The following ZBTB6 variants were observed in gnomAD, a reference collection of about 807,000 sequenced individuals.
ZBTB6 encodes zinc finger and BTB domain containing 6, also known as zinc finger and BTB domain-containing protein 6.
Under a neutral mutation model 30.6 loss-of-function variants are expected in ZBTB6, and 11 were observed. That is an observed-to-expected ratio of 0.36 (90% CI 0.23 to 0.60). The LOEUF (loss-of-function observed/expected upper bound fraction) is 0.60, where lower values mean the gene tolerates loss of function less well. Ranked by LOEUF, ZBTB6 falls within the 20% of genes least tolerant of loss-of-function variation. ZBTB6 has a pLI of 0.75. For synonymous variants in ZBTB6, 174 were observed against 172.0 expected, an observed-to-expected ratio of 1.01 and a Z score of -0.09; for missense variants, 380 against 489.4, an observed-to-expected ratio of 0.78 and a Z score of 2.11.
Position 122,911,790 on chromosome 9 carries a change from C to A in ZBTB6, c.283G>T (p.Val95Phe). 6.2e-7 allele frequency: 1 copy of A among 1,614,196 alleles called. No homozygotes were observed. The highest frequency in any genetic ancestry group is 8.5e-7 in the Non-Finnish European group (1 of 1,180,034). The part of the protein sequence containing the change: ...LLSCYTGALE[V>F]KRKELLKYLT... ...TATTTCAAAAGCTCTTTCCTTTTAA[C>A]TTCAAGTGCTCCAGTATAGCAAGAC... The change falls in exon 2 of 2, where the codon GTT becomes TTT. Residue 95 changes from valine to phenylalanine, a missense_variant. Coordinates refer to ENST00000373659, the MANE Select transcript of ZBTB6 (RefSeq NM_006626.6). This position sits in a 1 kb window ranked among gnomAD's most constrained non-coding sequence, Gnocchi z 4.5.
chr9:122,913,103 G>A, intron 1 of ZBTB6, 148 bp downstream of exon 1: 1 of 244,410 alleles, frequency 4.1e-6, no homozygotes, highest in Non-Finnish European at 6.6e-6. Flanking sequence ...GTATTCTGGA[G>A]GCAACCCTGC....
Position 122,908,308 on chromosome 9 carries a change from A to T in ZBTB6, c.*2490T>A, listed in dbSNP as rs1243231630. 6.6e-6 allele frequency: 1 copy of T among 152,390 alleles called. No individual in the cohort carries two copies. The highest frequency in any genetic ancestry group is 1.5e-5 in the Non-Finnish European group (1 of 68,042). 9.4% of individuals were successfully genotyped at this position (152,390 alleles called of 1,614,324 possible). On this transcript the variant is annotated 3_prime_UTR_variant, in exon 2 of 2. Transcript: ENST00000373659. The stretch of plus-strand genomic sequence containing the variant: ...CTTTGTCATACCTGAACTTTAAAAA[A>T]AGATTCCATTTTCCTGAAAATTTTT...
At chr9:122,912,127 T>C (rs1047520457) in intron 1 of ZBTB6, 46 bp from the exon 2 acceptor site, 3 of 1,527,360 alleles carry the variant, frequency 2.0e-6, no homozygotes, top group Non-Finnish European at 2.6e-6. Context: ...GGATAGGGAA[T>C]GCTTTCCCAT....
chr9:122,910,691 T>C lies in ZBTB6; in HGVS notation c.*107A>G, dbSNP rs940776659. On this transcript the variant is annotated 3_prime_UTR_variant, in exon 2 of 2. Coordinates refer to ENST00000373659, the MANE Select transcript of ZBTB6 (RefSeq NM_006626.6). Reference sequence around the variant, plus strand: ...TGATTATGTGTAAGCCGACAAAATATAAGAAACAAAGATTGGGGGGATGAA... The same window carrying C: ...TGATTATGTGTAAGCCGACAAAATACAAGAAACAAAGATTGGGGGGATGAA... 4 of 1,167,950 alleles carry C rather than the reference T, an allele frequency of 3.4e-6. No homozygotes were observed. In the African/African-American group the frequency reaches 6.2e-5, roughly 18 times the overall value. The allele number at this position is 1,167,950 out of a possible 1,614,324, so 72.3% of individuals were successfully genotyped here.
rs369781178 is a variant in ZBTB6 at position 122,911,303 on chromosome 9, T to A, written c.770A>T (p.Asn257Ile). ...AGCCACTCTGCTCTCAACTGTAGAA[T>A]TGATCAATGAATGCTGTGTTTCAGA... The part of the protein sequence containing the change: ...YFSETQHSLI[N>I]STVESRVAEV... Residue 257 changes from asparagine (N) to isoleucine (I), a missense_variant, in exon 2 of 2, where the codon AAT becomes ATT. By Grantham distance (149) the Asn-to-Ile change is moderately radical. Coordinates refer to ENST00000373659, the MANE Select transcript of ZBTB6 (RefSeq NM_006626.6). The surrounding 1 kb of genome is among the most constrained non-coding windows in gnomAD (Gnocchi z 4.5). The A allele has an allele frequency of 2.5e-6, 4 of 1,614,160 alleles. No individual in the cohort carries two copies. The highest frequency in any genetic ancestry group is 3.4e-6 in the Non-Finnish European group (4 of 1,180,038).
rs1832940864 is a variant in ZBTB6, at chr9:122,910,432, TAA to T, written c.*364_*365del. On this transcript the variant is annotated 3_prime_UTR_variant, in exon 2 of 2. Transcript: ENST00000373659. ...TTCTCTTCTTGTTATCCTAATTCATTAAAGTTTTTATATGATTGGATTTTATA... is the reference window on the plus strand; with the variant it reads ...TTCTCTTCTTGTTATCCTAATTCATTAGTTTTTATATGATTGGATTTTATA... 1 of 166,056 alleles carries T rather than the reference TAA, an allele frequency of 6.0e-6. No individual in the cohort carries two copies. Among genetic ancestry groups the T allele is most frequent in the African/African-American group, 2.4e-5 (1 of 41,790 alleles). 10.3% of individuals were successfully genotyped at this position (166,056 alleles called of 1,614,324 possible).
At position 122,911,138 on chromosome 9, in the gene ZBTB6, T is replaced by C; in HGVS notation, c.935A>G (p.His312Arg). 1 of 1,614,232 alleles carries C rather than the reference T, an allele frequency of 6.2e-7. No homozygotes were observed. Among genetic ancestry groups the C allele is most frequent in the Non-Finnish European group, 8.5e-7 (1 of 1,180,036 alleles). ...QCPRCPRGFL[H>R]VENYLRHLKM... is the part of the protein sequence containing the mutation. ...AAGGTGGCGCAGATAGTTTTCAACA[T>C]GAAGAAAGCCTCGAGGACACCTGGG... The change falls in exon 2 of 2, where the codon CAT becomes CGT. Residue 312 changes from histidine to arginine, a missense_variant. Physicochemically the swap from His to Arg is conservative, Grantham distance 29. Transcript: ENST00000373659. This position sits in a 1 kb window ranked among gnomAD's most constrained non-coding sequence, Gnocchi z 4.5.
At position 122,910,136 on chromosome 9, in the gene ZBTB6, CAAG is replaced by C. The variant is rs1832937763; in HGVS notation, c.*659_*661del. 1 of 152,026 alleles carries C rather than the reference CAAG, an allele frequency of 6.6e-6. No individual in the cohort carries two copies. The highest frequency in any genetic ancestry group is 1.5e-5 in the Non-Finnish European group (1 of 68,012). 9.4% of individuals were successfully genotyped at this position (152,026 alleles called of 1,614,324 possible). ...TAAATCCGATTGTATTAAATAAAAT[CAAG>C]AAACTCGGGCCCAATGAACCATTTC... is the stretch of plus-strand genomic sequence containing the variant. On this transcript the variant is annotated 3_prime_UTR_variant, in exon 2 of 2. Coordinates refer to ENST00000373659, the MANE Select transcript of ZBTB6 (RefSeq NM_006626.6).
chr9:122,913,212 G>T, intron 1 of ZBTB6, 39 bp downstream of exon 1: 1 of 976,022 alleles, frequency 1.0e-6, no homozygotes, highest in Non-Finnish European at 1.2e-6. Flanking sequence ...TCTTCCTCAG[G>T]CACCCTCCAC....
rs778381523 is a variant in ZBTB6, at chr9:122,911,145, A to C, written c.928T>G (p.Phe310Val). 37 of 1,614,100 alleles carry C rather than the reference A, an allele frequency of 2.3e-5. No individual in the cohort carries two copies. The highest frequency in any genetic ancestry group is 3.1e-5 in the Non-Finnish European group (36 of 1,180,058). ...RHQCPRCPRGFLHVENYLRHL... is the reference protein window; with the variant it reads ...RHQCPRCPRGVLHVENYLRHL... ...CGCAGATAGTTTTCAACATGAAGAA[A>C]GCCTCGAGGACACCTGGGGCACTGG... Residue 310 changes from phenylalanine (F) to valine (V), a missense_variant, in exon 2 of 2, where the codon TTT becomes GTT. Transcript: ENST00000373659. This position sits in a 1 kb window ranked among gnomAD's most constrained non-coding sequence, Gnocchi z 4.5.
rs1264702423 is a variant in ZBTB6 at position 122,909,986 on chromosome 9, TTAAA to T, written c.*808_*811del. ...GAAGAAATTTCAATTTTACTTCATG[TTAAA>T]TAAAAAATAAAATAGAGAGGAACTT... On this transcript the variant is annotated 3_prime_UTR_variant, in exon 2 of 2. Transcript: ENST00000373659. The T allele has an allele frequency of 1.3e-5, 2 of 152,102 alleles. No homozygotes were observed. Among genetic ancestry groups the T allele is most frequent in the African/African-American group, 4.8e-5 (2 of 41,416 alleles). The allele number at this position is 152,102 out of a possible 1,614,324, so 9.4% of individuals were successfully genotyped here.
intron 1 of ZBTB6, 120 bp downstream of exon 1, chr9:122,913,131 T>A (rs1832970673): frequency 2.2e-6 from 1 of 457,748 alleles, no homozygotes; most frequent in African/African-American, 2.1e-5. Flanking sequence ...CAAGGCCCTG[T>A]CGGCCCAGTG....
In ZBTB6 at chr9:122,910,674, T is replaced by C. The variant is rs969413321; in HGVS notation, c.*124A>G. 8.0e-5 allele frequency: 80 copies of C among 1,002,938 alleles called. No homozygotes were observed. The highest frequency in any genetic ancestry group is 3.2e-4 in the Middle Eastern group (1 of 3,100). The allele number at this position is 1,002,938 out of a possible 1,614,324, so 62.1% of individuals were successfully genotyped here. ...TAGAAGTTCAGAAAGAATGATTATG[T>C]GTAAGCCGACAAAATATAAGAAACA... On this transcript the variant is annotated 3_prime_UTR_variant, in exon 2 of 2. Coordinates refer to ENST00000373659, the MANE Select transcript of ZBTB6 (RefSeq NM_006626.6).
chr9:122,911,935 C>A lies in ZBTB6; in HGVS notation c.138G>T (p.Gly46=). 1 of 1,614,170 alleles carries A rather than the reference C, an allele frequency of 6.2e-7. No individual in the cohort carries two copies. The highest frequency in any genetic ancestry group is 8.5e-7 in the Non-Finnish European group (1 of 1,180,040). The change falls in exon 2 of 2, where the codon GGG becomes GGT. Residue 46 remains glycine (G), a synonymous_variant. Coordinates refer to ENST00000373659, the MANE Select transcript of ZBTB6 (RefSeq NM_006626.6). The surrounding 1 kb of genome is among the most constrained non-coding windows in gnomAD (Gnocchi z 4.5). ...AGCAAGCAGCCAAAATCACCTTGTG[C>A]CCCTGGAACTCAGTGTCATTAATGT... is the stretch of plus-strand genomic sequence containing the variant. ...SIYINDTEFQ[G]HKVILAACST...
Position 122,910,959 on chromosome 9 carries a change from G to T in ZBTB6, c.1114C>A (p.His372Asn). Residue 372 changes from histidine to asparagine, a missense_variant, in exon 2 of 2, where the codon CAC becomes AAC. Physicochemically the swap from His to Asn is moderately conservative, Grantham distance 68 (BLOSUM62 1). Coordinates refer to ENST00000373659, the MANE Select transcript of ZBTB6 (RefSeq NM_006626.6). Reference protein sequence around the residue: ...TFTAKSTLQDHLNIHSGDRPY... With the variant: ...TFTAKSTLQDNLNIHSGDRPY... ...CGATCCCCACTGTGTATGTTCAAGT[G>T]GTCCTGAAGTGTGCTTTTGGCAGTA... 1 of 1,614,144 alleles carries T rather than the reference G, an allele frequency of 6.2e-7. No homozygotes were observed. Among genetic ancestry groups the T allele is most frequent in the Non-Finnish European group, 8.5e-7 (1 of 1,180,032 alleles).
rs1184644911 is a variant in ZBTB6, at chr9:122,910,965, G to A, written c.1108C>T (p.Gln370Ter). Residue 370 changes from glutamine (Q) to a stop codon, truncating the protein, a stop_gained, in exon 2 of 2, where the codon CAG becomes TAG. Transcript: ENST00000373659. LOFTEE classifies it high-confidence loss of function. ...CCACTGTGTATGTTCAAGTGGTCCTGAAGTGTGCTTTTGGCAGTAAATGTC... is the reference window on the plus strand; with the variant it reads ...CCACTGTGTATGTTCAAGTGGTCCTAAAGTGTGCTTTTGGCAGTAAATGTC... ...LKTFTAKSTL[Q>*]DHLNIHSGDR... 1 of 1,614,206 alleles carries A rather than the reference G, an allele frequency of 6.2e-7. No individual in the cohort carries two copies. Among genetic ancestry groups the A allele is most frequent in the South Asian group, 1.1e-5 (1 of 91,082 alleles).
rs201230897 is a variant in ZBTB6 at position 122,911,327 on chromosome 9, G to A, written c.746C>T (p.Ser249Phe). The change falls in exon 2 of 2, where the codon TCT becomes TTT. Residue 249 changes from serine to phenylalanine, a missense_variant. By Grantham distance (155) the Ser-to-Phe change is radical (BLOSUM62 -2). Transcript: ENST00000373659. This position sits in a 1 kb window ranked among gnomAD's most constrained non-coding sequence, Gnocchi z 4.5. ...ATTGATCAATGAATGCTGTGTTTCA[G>A]AGAAATACATGCTTGCTTTTGAAGA... ...CTSSKASMYF[S>F]ETQHSLINST... 62 of 1,614,110 alleles carry A rather than the reference G, an allele frequency of 3.8e-5. No individual in the cohort carries two copies. The highest frequency in any genetic ancestry group is 4.7e-5 in the Non-Finnish European group (55 of 1,180,042).
Position 122,911,126 on chromosome 9 carries a change from T to G in ZBTB6, c.947A>C (p.Tyr316Ser). Residue 316 changes from tyrosine (Y) to serine (S), a missense_variant, in exon 2 of 2, where the codon TAT becomes TCT. By Grantham distance (144) the Tyr-to-Ser change is moderately radical. Transcript: ENST00000373659. The surrounding 1 kb of genome is among the most constrained non-coding windows in gnomAD (Gnocchi z 4.5). ...CPRGFLHVEN[Y>S]LRHLKMHKLF... ...TTTATGCATTTTAAGGTGGCGCAGA[T>G]AGTTTTCAACATGAAGAAAGCCTCG... The G allele has an allele frequency of 6.2e-7, 1 of 1,614,212 alleles. No homozygotes were observed. Among genetic ancestry groups the G allele is most frequent in the Non-Finnish European group, 8.5e-7 (1 of 1,180,040 alleles).
chr9:122,911,541 C>T lies in ZBTB6; in HGVS notation c.532G>A (p.Val178Ile). The T allele has an allele frequency of 4.3e-6, 7 of 1,613,982 alleles. No homozygotes were observed. The highest frequency in any genetic ancestry group is 5.9e-6 in the Non-Finnish European group (7 of 1,180,028). The change falls in exon 2 of 2, where the codon GTT becomes ATT. Residue 178 changes from valine to isoleucine, a missense_variant. Val to Ile is a conservative substitution (Grantham distance 29). Transcript: ENST00000373659. This position sits in a 1 kb window ranked among gnomAD's most constrained non-coding sequence, Gnocchi z 4.5. ...EDSPVNIDFH[V>I]KEEESNALQS... ...AAAGCATTGCTTTCCTCTTCTTTAA[C>T]ATGGAAATCTATGTTTACAGGACTA...
Sources: allele counts gnomAD v4.1 joint callset, GRCh38; gene constraint gnomAD v4.1.1; non-coding constraint Gnocchi (gnomAD v3.1); transcripts MANE v1.5; gene names NCBI Gene and HGNC (gene_info 2026-07-23, HGNC 2026-07-21).